The following OSBPL6 variants were observed in gnomAD, a reference collection of about 807,000 sequenced individuals.
OSBPL6 encodes the protein oxysterol-binding protein-related protein 6.
OSBPL6 carries 49 observed loss-of-function variants against 125.8 expected under a neutral mutation model. That is an observed-to-expected ratio of 0.39 (90% CI 0.31 to 0.49). The LOEUF is 0.49. OSBPL6 is among the 20% of genes least tolerant of loss of function. The probability of loss-of-function intolerance (pLI) is 0.88; values close to 1 mark genes in which losing one functional copy is unlikely to be tolerated. For missense variants in OSBPL6, 986 were observed against 1,135.4 expected (o/e 0.87, Z 1.89); for synonymous variants, 394 against 391.8 (o/e 1.01, Z -0.07).
At chr2:178,236,789 C>T (rs2091071466) in intron 1 of OSBPL6, among the ~76,000 whole-genome samples, 1 of 152,168 alleles carries the variant, frequency 6.6e-6, no homozygotes, top group Admixed American at 6.5e-5. Flanking sequence ...AGTTTATCCT[C>T]CAGGATTTGA....
At chr2:178,243,724 G>A (rs559662017) in intron 1 of OSBPL6, among the ~76,000 whole-genome samples, 5 of 152,150 alleles carry the variant, frequency 3.3e-5, no homozygotes, top group Non-Finnish European at 7.3e-5. Context: ...CTCAGTCTCG[G>A]CTCACTGCAA....
At chr2:178,307,416 G>A (rs1483154535) in intron 3 of OSBPL6, among the ~76,000 whole-genome samples, 2 of 152,134 alleles carry the variant, frequency 1.3e-5, no homozygotes, top group African/African-American at 4.8e-5. Flanking sequence ...TCCTAAGGCA[G>A]GTGTTTCTAC....
intron 14 of OSBPL6, 33 bp downstream of exon 14, chr2:178,372,266 T>C (rs1355558400): frequency 6.8e-7 from 1 of 1,466,274 alleles, no homozygotes; most frequent in Non-Finnish European, 9.4e-7. Context: ...GCAGAGTACC[T>C]ATTTTTTAGC....
chr2:178,343,718 C>G (rs1054707140), intron 11 of OSBPL6, among the ~76,000 whole-genome samples: 2 of 152,166 alleles, frequency 1.3e-5, no homozygotes, highest in Non-Finnish European at 2.9e-5. Flanking sequence ...AGCACTCTTA[C>G]TGATGTTGAG....
intron 1 of OSBPL6, among the ~76,000 whole-genome samples, chr2:178,239,136 T>G (rs563508774): frequency 5.9e-5 from 9 of 152,208 alleles, no homozygotes; most frequent in Non-Finnish European, 1.2e-4. Context: ...CCCCAAACAT[T>G]TTTTGGCTGT....
Position 178,332,957 on chromosome 2 carries a change from A to G in OSBPL6, c.573A>G (p.Pro191=). 1 of 1,614,196 alleles carries G rather than the reference A, an allele frequency of 6.2e-7. No homozygotes were observed. Among genetic ancestry groups the G allele is most frequent in the South Asian group, 1.1e-5 (1 of 91,086 alleles). ...GTCAGAATGAAATTGTGAGATCACCAAGAGATGCTAGTTTTCACATATTTC... is the reference window on the plus strand; with the variant it reads ...GTCAGAATGAAATTGTGAGATCACCGAGAGATGCTAGTTTTCACATATTTC... ...LYRQNEIVRS[P]RDASFHIFPS... is the part of the protein sequence containing the mutation. The change falls in exon 8 of 25, where the codon CCA becomes CCG. Residue 191 remains proline, a synonymous_variant. Transcript: ENST00000190611.
Position 178,402,458 on chromosome 2 carries a change from C to A in OSBPL6, c.*6899C>A, listed in dbSNP as rs1232112684. On this transcript the variant is annotated 3_prime_UTR_variant, in exon 25 of 25. Coordinates refer to ENST00000190611, the MANE Select transcript of OSBPL6 (RefSeq NM_032523.4). The stretch of plus-strand genomic sequence containing the variant: ...TGAGGTCCTGACTGGTAGGGAAAGC[C>A]TGCAGGGAAATCCTGTGGCAAAGCA... 1 of 152,046 alleles carries A rather than the reference C, an allele frequency of 6.6e-6. No individual in the cohort carries two copies. Among genetic ancestry groups the A allele is most frequent in the Non-Finnish European group, 1.5e-5 (1 of 68,008 alleles). The allele number at this position is 152,046 out of a possible 1,614,324, so 9.4% of individuals were successfully genotyped here.
Position 178,285,020 on chromosome 2 carries a change from T to A in OSBPL6, c.-257T>A. The A allele has an allele frequency of 2.5e-6, 1 of 398,520 alleles. No homozygotes were observed. Among genetic ancestry groups the A allele is most frequent in the South Asian group, 1.3e-4 (1 of 7,864 alleles). 24.7% of individuals were successfully genotyped at this position (398,520 alleles called of 1,614,324 possible). ...TAGCCCCAGCAAGGTCAAAGACATA[T>A]CATGTCCCAAGGAGAAAAGCTGCAG... On this transcript the variant is annotated 5_prime_UTR_variant, in exon 2 of 25. Transcript: ENST00000190611.
chr2:178,378,121 G>T (rs542051970), intron 15 of OSBPL6, among the ~76,000 whole-genome samples: 1 of 152,088 alleles, frequency 6.6e-6, no homozygotes, highest in Non-Finnish European at 1.5e-5. Flanking sequence ...GAGCCACTGC[G>T]CCTGGCCTCC....
intron 1 of OSBPL6, among the ~76,000 whole-genome samples, chr2:178,221,697 C>G (rs997872053): frequency 6.6e-6 from 1 of 152,172 alleles, no homozygotes; most frequent in Non-Finnish European, 1.5e-5. Context: ...AAAGATGTGG[C>G]TTTGGTCAGT....
At position 178,225,566 on chromosome 2, in the gene OSBPL6, G is replaced by A. The variant is rs187772361; in HGVS notation, c.-351+30892G>A. On this transcript the variant is annotated intron_variant, in intron 1 of 24. Transcript: ENST00000190611. ...TCAGAGCCCTGGGAGGTAGGGGCTG[G>A]TGCATTAGTTTGTTTCCATGCTGCT... Among the ~76,000 whole-genome samples, 17 of 152,294 alleles carry A rather than the reference G, an allele frequency of 1.1e-4. No homozygotes were observed. In the East Asian group the frequency reaches 3.1e-3, roughly 28 times the overall value.
rs1460770014 is a variant in OSBPL6 at position 178,356,270 on chromosome 2, T to C, written c.1154-5412T>C. 2.0e-5 allele frequency among the ~76,000 whole-genome samples: 3 copies of C among 152,148 alleles called. No homozygotes were observed. The East Asian group carries it at 5.8e-4, about 29-fold the overall frequency. Reference sequence around the variant, plus strand: ...AGGCAAGAGAAAGAAATAAAGGGTATTCAATTAGGAAAAGAGGAAGTCAAA... The same window carrying C: ...AGGCAAGAGAAAGAAATAAAGGGTACTCAATTAGGAAAAGAGGAAGTCAAA... On this transcript the variant is annotated intron_variant, in intron 12 of 24. Coordinates refer to ENST00000190611, the MANE Select transcript of OSBPL6 (RefSeq NM_032523.4).
At chr2:178,320,529 CTTTA>C in intron 3 of OSBPL6, 1 of 916,530 alleles carries the variant, frequency 1.1e-6, no homozygotes. Flanking sequence ...TTACATAACC[CTTTA>C]TTTAACTTGC....
chr2:178,210,061 C>G (rs1314040880), intron 1 of OSBPL6, among the ~76,000 whole-genome samples: 1 of 151,632 alleles, frequency 6.6e-6, no homozygotes, highest in African/African-American at 2.4e-5. Context: ...ACTCTATCAC[C>G]CAGGCTGGAG....
chr2:178,232,467 T>C (rs573926198), intron 1 of OSBPL6, among the ~76,000 whole-genome samples: 1 of 152,328 alleles, frequency 6.6e-6, no homozygotes, highest in South Asian at 2.1e-4. Flanking sequence ...TTGGATAAGC[T>C]ATTGAACCTA....
intron 1 of OSBPL6, among the ~76,000 whole-genome samples, chr2:178,279,982 G>A (rs894830571): frequency 2.0e-5 from 3 of 152,074 alleles, no homozygotes; most frequent in Admixed American, 6.5e-5. Flanking sequence ...AGTGGATCAC[G>A]AAGTCAAGAG....
At chr2:178,232,727 T>A (rs2153982186) in intron 1 of OSBPL6, among the ~76,000 whole-genome samples, 2 of 152,294 alleles carry the variant, frequency 1.3e-5, no homozygotes, top group African/African-American at 4.8e-5. Flanking sequence ...TTTTTTTTCT[T>A]ATTACCAGAA....
At position 178,353,390 on chromosome 2, in the gene OSBPL6, A is replaced by G. The variant is rs1691469484; in HGVS notation, c.1153+4001A>G. Among the ~76,000 whole-genome samples the G allele has an allele frequency of 1.3e-5, 2 of 152,246 alleles. 1 individual carries two copies. The highest frequency in any genetic ancestry group is 2.9e-5 in the Non-Finnish European group (2 of 68,048). On this transcript the variant is annotated intron_variant, in intron 12 of 24. Coordinates refer to ENST00000190611, the MANE Select transcript of OSBPL6 (RefSeq NM_032523.4). Reference sequence around the variant, plus strand: ...TGGCTATCTAGAATAAATAGTGTGGAGAGGACCTTAAATGACCTGATGGAG... The same window carrying G: ...TGGCTATCTAGAATAAATAGTGTGGGGAGGACCTTAAATGACCTGATGGAG...
At chr2:178,316,901 C>T (rs1687783352) in intron 3 of OSBPL6, among the ~76,000 whole-genome samples, 1 of 150,714 alleles carries the variant, frequency 6.6e-6, no homozygotes, top group Admixed American at 6.6e-5. Context: ...CTAATTGAAA[C>T]CAAAAAACAA....
Sources: allele counts gnomAD v4.1 joint callset (sites outside exome capture counted in the v4.1 genomes callset), GRCh38; gene constraint gnomAD v4.1.1; transcripts MANE v1.5; gene names NCBI Gene and HGNC (gene_info 2026-07-23, HGNC 2026-07-21).